The following GRID2 variants were observed in gnomAD, a reference collection of about 807,000 sequenced individuals.
The protein encoded by GRID2 is glutamate receptor ionotropic, delta-2.
GRID2 carries 33 observed loss-of-function variants against 114.8 expected under a neutral mutation model. The observed-to-expected ratio is 0.29, with a 90% CI of 0.22 to 0.38. The LOEUF (loss-of-function observed/expected upper bound fraction) is 0.38. Ranked by LOEUF, GRID2 falls within the 10% of genes least tolerant of loss-of-function variation. GRID2 has a pLI of 1.00. For synonymous variants in GRID2, 505 were observed against 449.9 expected, an observed-to-expected ratio of 1.12 and a Z score of -1.55; for missense variants, 1,184 against 1,257.7, an observed-to-expected ratio of 0.94 and a Z score of 0.89.
At chr4:93,157,420 A>G (rs1377836122) in intron 4 of GRID2, among the ~76,000 whole-genome samples, 2 of 151,794 alleles carry the variant, frequency 1.3e-5, no homozygotes, top group Non-Finnish European at 2.9e-5. Context: ...TATTAATTTT[A>G]TCATTCAACA....
At position 92,536,890 on chromosome 4, in the gene GRID2, C is replaced by A. The variant is rs147812071; in HGVS notation, c.89-53241C>A. On this transcript the variant is annotated intron_variant, in intron 1 of 15. Transcript: ENST00000282020. ...TTTTCTGTTTGTTTCCATATGAATA[C>A]CCTAGATGAGTAGTTACTATGTATT... 1.1e-4 allele frequency among the ~76,000 whole-genome samples: 16 copies of A among 152,188 alleles called. No homozygotes were observed. The East Asian group carries it at 3.1e-3, about 29-fold the overall frequency.
At chr4:93,147,492 A>G (rs1320431240) in intron 4 of GRID2, among the ~76,000 whole-genome samples, 1 of 152,184 alleles carries the variant, frequency 6.6e-6, no homozygotes, top group Non-Finnish European at 1.5e-5. Context: ...TTTAATACTC[A>G]TGGAAAAACA....
intron 2 of GRID2, among the ~76,000 whole-genome samples, chr4:92,593,904 C>T (rs1471680270): frequency 1.4e-5 from 2 of 140,688 alleles, no homozygotes; most frequent in African/African-American, 5.3e-5. Flanking sequence ...ATGTAGTGTT[C>T]TCCGTAAAAA....
In GRID2 at chr4:93,793,071, T is replaced by C. The variant is rs538900061; in HGVS notation, c.222-13644T>C. On this transcript the variant is annotated intron_variant, in intron 1 of 1. Coordinates refer to the GRID2 transcript ENST00000637838. ...GTATTGTTTTCTAAATAAAACCTTA[T>C]GCTCGATCCCACTATGCCAAACAAA... is the stretch of plus-strand genomic sequence containing the variant. 1.2e-4 allele frequency among the ~76,000 whole-genome samples: 18 copies of C among 152,350 alleles called. No individual in the cohort carries two copies. The South Asian group carries it at 3.1e-3, about 26-fold the overall frequency.
intron 14 of GRID2, among the ~76,000 whole-genome samples, chr4:93,649,136 AT>A (rs561553934): frequency 2.0e-5 from 3 of 152,170 alleles, no homozygotes; most frequent in Admixed American, 1.3e-4. Context: ...AACCAAAATC[AT>A]TTTTTAACGG....
chr4:92,749,844 C>T (rs1457687501), intron 2 of GRID2, among the ~76,000 whole-genome samples: 1 of 151,744 alleles, frequency 6.6e-6, no homozygotes, highest in Non-Finnish European at 1.5e-5. Flanking sequence ...CTCCAGGCAC[C>T]TCACATTTTA....
intron 2 of GRID2, among the ~76,000 whole-genome samples, chr4:92,831,459 T>C (rs559745018): frequency 3.3e-5 from 5 of 151,032 alleles, no homozygotes; most frequent in East Asian, 1.9e-4. Context: ...TTTTACTCTG[T>C]AGTCAGAGAA....
At chr4:92,790,520 A>G (rs1463386779) in intron 2 of GRID2, among the ~76,000 whole-genome samples, 1 of 151,734 alleles carries the variant, frequency 6.6e-6, no homozygotes, top group Non-Finnish European at 1.5e-5. Flanking sequence ...GGTTCAAGTG[A>G]TTCTCTCACC....
At chr4:93,470,486 T>C (rs1212828208) in intron 11 of GRID2, among the ~76,000 whole-genome samples, 3 of 152,126 alleles carry the variant, frequency 2.0e-5, no homozygotes, top group African/African-American at 4.8e-5. Context: ...GAGACTATCA[T>C]TGAATTGAGG....
chr4:92,932,315 G>T (rs928594700), intron 2 of GRID2, among the ~76,000 whole-genome samples: 4 of 151,168 alleles, frequency 2.6e-5, no homozygotes, highest in South Asian at 4.1e-4. Context: ...TTAGACAAAT[G>T]CAAATTAAAA....
chr4:93,452,288 T>C (rs1722762070), intron 10 of GRID2, among the ~76,000 whole-genome samples: 1 of 152,166 alleles, frequency 6.6e-6, no homozygotes, highest in Non-Finnish European at 1.5e-5. Flanking sequence ...ATCCACTACG[T>C]TCAACAATAC....
At chr4:93,238,527 A>G in intron 8 of GRID2, 37 bp downstream of exon 8, 1 of 1,575,232 alleles carries the variant, frequency 6.3e-7, no homozygotes, top group East Asian at 2.3e-5. Context: ...GCTTTTTCCT[A>G]TACTATGGTT....
At chr4:92,472,930 T>A (rs1722114621) in intron 1 of GRID2, among the ~76,000 whole-genome samples, 1 of 152,070 alleles carries the variant, frequency 6.6e-6, no homozygotes, top group Admixed American at 6.6e-5. Flanking sequence ...GTCCATTTCA[T>A]TTTTTATGGG....
intron 5 of GRID2, among the ~76,000 whole-genome samples, chr4:93,214,318 T>C (rs1390442229): frequency 1.3e-5 from 2 of 152,088 alleles, no homozygotes; most frequent in Admixed American, 1.3e-4. Context: ...CAAGTTTATT[T>C]CTGGACTTTT....
In GRID2 at chr4:93,741,924, C is replaced by CAA. The variant is rs34316739; in HGVS notation, c.2361-27269_2361-27268dup. On this transcript the variant is annotated intron_variant, in intron 14 of 15. Coordinates refer to ENST00000282020, the MANE Select transcript of GRID2 (RefSeq NM_001510.4). ...GGGTGACAAGAGTGAGACTCTGTCT[C>CAA]AAAAAAAAAAAAAAAAAAGTGTTTG... Among the ~76,000 whole-genome samples the CAA allele has an allele frequency of 3.7e-3, 395 of 106,294 alleles. 6 individuals carry two copies. The highest frequency in any genetic ancestry group is 0.011 in the Middle Eastern group (2 of 176). 69.7% of individuals were successfully genotyped at this position (106,294 alleles called of 152,430 possible).
chr4:93,708,281 C>T (rs1040655215), intron 14 of GRID2, among the ~76,000 whole-genome samples: 7 of 151,732 alleles, frequency 4.6e-5, no homozygotes, highest in African/African-American at 1.5e-4. Flanking sequence ...CTTTCCAGTG[C>T]TGTAAGTGGG....
intron 13 of GRID2, among the ~76,000 whole-genome samples, chr4:93,623,257 T>C (rs550418375): frequency 6.6e-6 from 1 of 152,230 alleles, no homozygotes; most frequent in South Asian, 2.1e-4. Flanking sequence ...GCTGCACCAA[T>C]CAACCTGTCA....
chr4:92,623,770 C>G (rs1390817361), intron 2 of GRID2, among the ~76,000 whole-genome samples: 4 of 151,710 alleles, frequency 2.6e-5, no homozygotes, highest in African/African-American at 9.7e-5. Context: ...AAAGGCAGAA[C>G]CATTGAGTTG....
intron 1 of GRID2, among the ~76,000 whole-genome samples, chr4:92,424,798 C>T (rs986235933): frequency 6.7e-5 from 10 of 150,328 alleles, no homozygotes; most frequent in Admixed American, 1.3e-4. Context: ...TGTCTATTTA[C>T]AACAGCAGTC....
Sources: allele counts gnomAD v4.1 joint callset (sites outside exome capture counted in the v4.1 genomes callset), GRCh38; gene constraint gnomAD v4.1.1; transcripts MANE v1.5; gene names NCBI Gene and HGNC (gene_info 2026-07-23, HGNC 2026-07-21).